Variants in ANKRD17 observed in about 807,000 individuals in gnomAD.
The protein encoded by ANKRD17 is ankyrin repeat domain 17, also known as ankyrin repeat domain-containing protein 17.
Under a neutral mutation model 229.7 loss-of-function variants are expected in ANKRD17, and 19 were observed. The observed-to-expected ratio is 0.08, with a 90% CI of 0.06 to 0.12. The LOEUF is 0.12. Ranked by LOEUF, ANKRD17 falls within the 10% of genes least tolerant of loss-of-function variation. ANKRD17 has a pLI of 1.00. For missense variants in ANKRD17, 2,176 were observed against 3,176.8 expected, an observed-to-expected ratio of 0.68 and a Z score of 7.57; for synonymous variants, 1,112 against 1,146.1, an observed-to-expected ratio of 0.97 and a Z score of 0.60.
intron 22 of ANKRD17, among the ~76,000 whole-genome samples, chr4:73,117,269 T>G (rs1475298292): frequency 6.6e-6 from 1 of 152,036 alleles, no homozygotes; most frequent in Non-Finnish European, 1.5e-5. Context: ...ATGTGAGAGA[T>G]AGGAACAAGG....
At chr4:73,076,397 A>G (rs1721004499) in intron 33 of ANKRD17, 107 bp from the exon 34 acceptor site, 1 of 737,588 alleles carries the variant, frequency 1.4e-6, no homozygotes, top group Non-Finnish European at 2.0e-6. Flanking sequence ...GCAATATACT[A>G]GGAACTAATG....
intron 1 of ANKRD17, among the ~76,000 whole-genome samples, chr4:73,184,150 C>G (rs565209763): frequency 2.1e-4 from 32 of 152,194 alleles, no homozygotes; most frequent in Non-Finnish European, 4.3e-4. Context: ...AACTACTCCT[C>G]AAGTTAGAAA....
At chr4:73,184,419 C>T (rs925356494) in intron 1 of ANKRD17, among the ~76,000 whole-genome samples, 1 of 149,744 alleles carries the variant, frequency 6.7e-6, no homozygotes, top group Non-Finnish European at 1.5e-5. Flanking sequence ...ATCCTAGCTA[C>T]TCAGGAGGCT....
At chr4:73,166,099 C>T (rs1234601580) in intron 2 of ANKRD17, among the ~76,000 whole-genome samples, 1 of 152,170 alleles carries the variant, frequency 6.6e-6, no homozygotes, top group Non-Finnish European at 1.5e-5. Flanking sequence ...AATTGTTATG[C>T]TGCAATAGAA....
chr4:73,211,287 G>T (rs1438069770), intron 1 of ANKRD17, among the ~76,000 whole-genome samples: 1 of 152,000 alleles, frequency 6.6e-6, no homozygotes, highest in African/African-American at 2.4e-5. Context: ...GATAAAGAGG[G>T]TAGCAGGTAG....
At position 73,077,050 on chromosome 4, in the gene ANKRD17, G is replaced by A. The variant is rs1420248301; in HGVS notation, c.7642C>T (p.Pro2548Ser). 1.2e-6 allele frequency: 2 copies of A among 1,612,950 alleles called. No individual in the cohort carries two copies. Among genetic ancestry groups the A allele is most frequent in the Middle Eastern group, 1.7e-4 (1 of 6,060 alleles). The change falls in exon 33 of 34, where the codon CCT (proline) becomes TCT (serine). Residue 2548 changes from proline to serine, a missense_variant. Around this residue, in one of 18 missense-constraint regions of ANKRD17, gnomAD observed 159 missense variants for 214.3 expected, o/e 0.74. Transcript: ENST00000358602. ...AATATGGGTCCTCCAGCACCATCAG[G>A]GATAGGTGCTACTGGAGGAATCATT... ...NAMIPPVAPI[P>S]DGAGGPIFNG...
At chr4:73,113,675 A>G in intron 24 of ANKRD17, 117 bp downstream of exon 24, 1 of 842,496 alleles carries the variant, frequency 1.2e-6, no homozygotes, top group Non-Finnish European at 1.9e-6. Flanking sequence ...GTAGAAAGAA[A>G]TCATGTACGT....
chr4:73,125,342 T>C (rs1327435270), intron 16 of ANKRD17, 30 bp from the exon 17 acceptor site: 1 of 1,438,712 alleles, frequency 7.0e-7, no homozygotes, highest in East Asian at 2.3e-5. Context: ...GGTTAGTTTA[T>C]TAAATAACTT....
intron 1 of ANKRD17, among the ~76,000 whole-genome samples, chr4:73,244,675 T>C (rs965224562): frequency 6.6e-6 from 1 of 152,152 alleles, no homozygotes; most frequent in African/African-American, 2.4e-5. Context: ...TGATGTGTTC[T>C]GGAGTCTCTT....
intron 15 of ANKRD17, among the ~76,000 whole-genome samples, chr4:73,138,111 T>C (rs1032064338): frequency 6.6e-6 from 1 of 152,180 alleles, no homozygotes; most frequent in East Asian, 1.9e-4. Context: ...CATATGGACA[T>C]AGTATCAAAT....
intron 16 of ANKRD17, among the ~76,000 whole-genome samples, chr4:73,126,145 G>C (rs533680280): frequency 1.3e-5 from 2 of 152,242 alleles, no homozygotes; most frequent in East Asian, 3.9e-4. Context: ...AAGGTGGCTA[G>C]AATTCATGGA....
chr4:73,214,937 A>G (rs1173059083), intron 1 of ANKRD17, among the ~76,000 whole-genome samples: 1 of 151,858 alleles, frequency 6.6e-6, no homozygotes, highest in Non-Finnish European at 1.5e-5. Context: ...GTGTGATAAA[A>G]CAGAAAGCAC....
At chr4:73,094,803 C>T (rs1488163852) in intron 27 of ANKRD17, among the ~76,000 whole-genome samples, 1 of 151,864 alleles carries the variant, frequency 6.6e-6, no homozygotes, top group Non-Finnish European at 1.5e-5. Flanking sequence ...AGAAAGACTT[C>T]TTGTGGGCCC....
chr4:73,220,644 A>G (rs1042002321), intron 1 of ANKRD17, among the ~76,000 whole-genome samples: 2 of 152,126 alleles, frequency 1.3e-5, no homozygotes, highest in Non-Finnish European at 2.9e-5. Flanking sequence ...CTAATATTCA[A>G]TAAGAGTACC....
chr4:73,180,186 A>G (rs1213255239), intron 1 of ANKRD17, among the ~76,000 whole-genome samples: 1 of 152,194 alleles, frequency 6.6e-6, no homozygotes, highest in Non-Finnish European at 1.5e-5. Context: ...GGTGCTAAAG[A>G]TGTTCAAAGG....
At chr4:73,247,996 CATTT>C (rs1464890761) in intron 1 of ANKRD17, among the ~76,000 whole-genome samples, 7 of 151,984 alleles carry the variant, frequency 4.6e-5, no homozygotes, top group African/African-American at 1.2e-4. Context: ...TAATGAATAA[CATTT>C]AATTATATGT....
chr4:73,147,282 T>C lies in ANKRD17; in HGVS notation c.1718A>G (p.Gln573Arg). The C allele has an allele frequency of 6.3e-7, 1 of 1,598,384 alleles. No homozygotes were observed. The highest frequency in any genetic ancestry group is 8.5e-7 in the Non-Finnish European group (1 of 1,173,732). The part of the protein sequence containing the change: ...GCSTPLMEAA[Q>R]EGHLELVKYL... ...TTTAACTAACTCCAAATGACCCTCT[T>C]GAGCAGCTTCCATTAAAGGGGTAGA... is the stretch of plus-strand genomic sequence containing the variant. Residue 573 changes from glutamine to arginine, a missense_variant, in exon 9 of 34, where the codon CAA (glutamine) becomes CGA (arginine). This residue lies in a region of ANKRD17 where 275 missense variants were observed against 386.9 expected (regional missense o/e 0.71). Coordinates refer to ENST00000358602, the MANE Select transcript of ANKRD17 (RefSeq NM_032217.5).
Position 73,146,878 on chromosome 4 carries a change from A to C in ANKRD17, c.1760-5T>G. 1 of 1,602,470 alleles carries C rather than the reference A, an allele frequency of 6.2e-7. No individual in the cohort carries two copies. The highest frequency in any genetic ancestry group is 8.5e-7 in the Non-Finnish European group (1 of 1,170,944). ...TTGTTGCATGAACGTTAGCTCCTGT[A>C]GTAGTCAACAAATAATACATAGACT... On this transcript the variant is annotated splice_polypyrimidine_tract_variant and splice_region_variant and intron_variant, in intron 9 of 33. Coordinates refer to ENST00000358602, the MANE Select transcript of ANKRD17 (RefSeq NM_032217.5).
At chr4:73,111,361 G>A (rs1036528820) in intron 24 of ANKRD17, among the ~76,000 whole-genome samples, 2 of 152,108 alleles carry the variant, frequency 1.3e-5, no homozygotes, top group African/African-American at 4.8e-5. Flanking sequence ...ATAACTGAGG[G>A]CTACTAAGTG....
Sources: allele counts gnomAD v4.1 joint callset (sites outside exome capture counted in the v4.1 genomes callset), GRCh38; gene constraint gnomAD v4.1.1; regional missense constraint gnomAD v4.1.1; transcripts MANE v1.5; gene names NCBI Gene and HGNC (gene_info 2026-07-23, HGNC 2026-07-21).